TPD52L1: variants seen among roughly 807,000 people sequenced by gnomAD.
TPD52L1 encodes the protein tumor protein D53.
Under a neutral mutation model 28.7 loss-of-function variants are expected in TPD52L1, and 18 were observed. The observed-to-expected ratio is 0.63, with a 90% CI of 0.43 to 0.93. The LOEUF (loss-of-function observed/expected upper bound fraction) is 0.93. TPD52L1 is among the 40% of genes least tolerant of loss of function. TPD52L1 has a pLI of 0.00. For missense variants in TPD52L1, 203 were observed against 254.8 expected (o/e 0.80, Z 1.39); for synonymous variants, 75 against 88.8 (o/e 0.84, Z 0.88).
chr6:125,176,528 T>A (rs1416151129), intron 1 of TPD52L1, among the ~76,000 whole-genome samples: 1 of 152,198 alleles, frequency 6.6e-6, no homozygotes, highest in African/African-American at 2.4e-5. Context: ...TCTTTTAGTT[T>A]TGTAGAACTC....
intron 5 of TPD52L1, 90 bp downstream of exon 5, chr6:125,253,845 T>G: frequency 8.0e-7 from 1 of 1,243,472 alleles, no homozygotes; most frequent in Non-Finnish European, 1.2e-6. Context: ...GTTCCTCTGC[T>G]TTATGTGAAA....
At chr6:125,165,092 A>ATATATTTATT (rs1790792093) in intron 1 of TPD52L1, among the ~76,000 whole-genome samples, 2 of 104,200 alleles carry the variant, frequency 1.9e-5, no homozygotes, top group African/African-American at 1.2e-4. Context: ...AAAGATATAT[A>ATATATTTATT]TATATATTTT....
chr6:125,245,824 C>T (rs1361368563), intron 3 of TPD52L1, among the ~76,000 whole-genome samples: 1 of 152,190 alleles, frequency 6.6e-6, no homozygotes, highest in South Asian at 2.1e-4. Context: ...CAGACCTGCC[C>T]CAGGCCATAG....
At chr6:125,218,454 CT>C in intron 1 of TPD52L1, among the ~76,000 whole-genome samples, 1 of 152,226 alleles carries the variant, frequency 6.6e-6, no homozygotes, top group Admixed American at 6.5e-5. Context: ...TGGATTATTT[CT>C]GGTTTTAAAG....
At chr6:125,162,074 C>T (rs532816732) in intron 1 of TPD52L1, among the ~76,000 whole-genome samples, 39 of 151,856 alleles carry the variant, frequency 2.6e-4, no homozygotes, top group Non-Finnish European at 4.1e-4. Flanking sequence ...AATAATAAAC[C>T]TCAAACTATG....
chr6:125,260,603 G>A (rs1242945887), intron 6 of TPD52L1, among the ~76,000 whole-genome samples: 3 of 151,960 alleles, frequency 2.0e-5, no homozygotes, highest in Non-Finnish European at 4.4e-5. Flanking sequence ...TCAAGAGTTC[G>A]AGACCAGCCT....
chr6:125,243,964 AT>A (rs1456538279), intron 3 of TPD52L1, among the ~76,000 whole-genome samples: 9 of 152,128 alleles, frequency 5.9e-5, no homozygotes, highest in East Asian at 5.8e-4. Context: ...TTTGCTTAAA[AT>A]TTTTTTTAAC....
At chr6:125,206,731 GT>G (rs1794170190) in intron 1 of TPD52L1, among the ~76,000 whole-genome samples, 1 of 152,162 alleles carries the variant, frequency 6.6e-6, no homozygotes, top group Non-Finnish European at 1.5e-5. Context: ...TCCATTGAAT[GT>G]TTTTTGAACA....
At chr6:125,187,413 A>G (rs1017106807) in intron 1 of TPD52L1, among the ~76,000 whole-genome samples, 6 of 152,224 alleles carry the variant, frequency 3.9e-5, no homozygotes, top group African/African-American at 1.4e-4. Flanking sequence ...TCCTGGAACT[A>G]AAATTAGCTT....
intron 3 of TPD52L1, among the ~76,000 whole-genome samples, chr6:125,247,067 T>C (rs922074777): frequency 3.3e-5 from 5 of 152,064 alleles, no homozygotes; most frequent in African/African-American, 1.2e-4. Flanking sequence ...TTTGAAAATA[T>C]TCACTAGAGC....
chr6:125,172,460 T>TTGTGTG (rs1211284945), intron 1 of TPD52L1, among the ~76,000 whole-genome samples: 4 of 114,380 alleles, frequency 3.5e-5, no homozygotes, highest in African/African-American at 1.1e-4. Flanking sequence ...GCCTGGATTT[T>TTGTGTG]TGTGTGTGTG....
At chr6:125,185,728 ATAG>A (rs1206879835) in intron 1 of TPD52L1, among the ~76,000 whole-genome samples, 2 of 152,144 alleles carry the variant, frequency 1.3e-5, no homozygotes, top group African/African-American at 4.8e-5. Context: ...AACAACTAAA[ATAG>A]TAGAATGGAT....
At chr6:125,214,453 A>T (rs1210794149) in intron 1 of TPD52L1, 1 of 984,348 alleles carries the variant, frequency 1.0e-6, no homozygotes, top group East Asian at 1.1e-4. Flanking sequence ...CCAGAGGCAC[A>T]TACCTCCTCG....
At chr6:125,204,542 C>T (rs902666555) in intron 1 of TPD52L1, among the ~76,000 whole-genome samples, 1 of 151,900 alleles carries the variant, frequency 6.6e-6, no homozygotes, top group South Asian at 2.1e-4. Context: ...TGCAGTGGGG[C>T]GATCTCGGCT....
At chr6:125,246,096 C>T (rs1796907660) in intron 3 of TPD52L1, among the ~76,000 whole-genome samples, 1 of 152,220 alleles carries the variant, frequency 6.6e-6, no homozygotes, top group Non-Finnish European at 1.5e-5. Context: ...TGGGCTCAAG[C>T]TAGAGAAACT....
chr6:125,172,561 A>AT (rs1562215221), intron 1 of TPD52L1, among the ~76,000 whole-genome samples: 1 of 90,494 alleles, frequency 1.1e-5, no homozygotes, highest in Non-Finnish European at 2.0e-5. Flanking sequence ...TAATATATAT[A>AT]CTATATGGCA....
chr6:125,222,174 C>T (rs1302541254), intron 2 of TPD52L1, among the ~76,000 whole-genome samples: 2 of 152,192 alleles, frequency 1.3e-5, no homozygotes, highest in Non-Finnish European at 2.9e-5. Context: ...CGTATGCATT[C>T]GGATTTTACC....
chr6:125,201,431 C>T (rs1273913484), intron 1 of TPD52L1, among the ~76,000 whole-genome samples: 3 of 152,156 alleles, frequency 2.0e-5, no homozygotes, highest in Non-Finnish European at 1.5e-5. Context: ...TACTGATGGA[C>T]GTTTAGGTTT....
chr6:125,178,740 T>G (rs1791987663), intron 1 of TPD52L1, among the ~76,000 whole-genome samples: 1 of 152,138 alleles, frequency 6.6e-6, no homozygotes, highest in Non-Finnish European at 1.5e-5. Flanking sequence ...ATGGGTGGAA[T>G]GGTGGTTGCA....
Sources: allele counts gnomAD v4.1 joint callset (sites outside exome capture counted in the v4.1 genomes callset), GRCh38; gene constraint gnomAD v4.1.1; transcripts MANE v1.5; gene names NCBI Gene and HGNC (gene_info 2026-07-23, HGNC 2026-07-21).